The following CD44 variants were observed in gnomAD, a reference collection of about 807,000 sequenced individuals.
CD44 encodes the protein CD44 antigen.
Under a neutral mutation model 88.8 loss-of-function variants are expected in CD44, and 49 were observed. The ratio of observed to expected loss-of-function variants is 0.55; its 90% CI spans 0.44 to 0.70. CD44 has a LOEUF of 0.70. CD44 is among the 30% of genes least tolerant of loss of function. The pLI, the probability that CD44 is intolerant of heterozygous loss-of-function variation, is 0.00. For synonymous variants in CD44, 325 were observed against 312.3 expected (o/e 1.04, Z -0.43); for missense variants, 883 against 913.8 (o/e 0.97, Z 0.43).
rs1276243670 is a variant in CD44, at chr11:35,210,046, C to A, written c.1598C>A (p.Thr533Lys). Residue 533 changes from threonine to lysine, a missense_variant, in exon 13 of 18, where the codon ACA becomes AAA. By Grantham distance (78) the Thr-to-Lys change is moderately conservative (BLOSUM62 -1). Around this residue, in one of 2 missense-constraint regions of CD44, gnomAD observed 631 missense variants for 590.9 expected, o/e 1.07. Coordinates refer to ENST00000428726, the MANE Select transcript of CD44 (RefSeq NM_000610.4). ...DKDHPTTSTLTSSNRNDVTGG... is the reference protein window; with the variant it reads ...DKDHPTTSTLKSSNRNDVTGG... ...GACCATCCAACAACTTCTACTCTGA[C>A]ATCAAGCAGTAAGGATTATAAAACC... The A allele has an allele frequency of 1.7e-5, 26 of 1,544,702 alleles. No individual in the cohort carries two copies. The highest frequency in any genetic ancestry group is 2.3e-5 in the Non-Finnish European group (26 of 1,148,974).
chr11:35,220,829 C>T (rs1432609129), intron 16 of CD44, among the ~76,000 whole-genome samples: 19 of 141,634 alleles, frequency 1.3e-4, no homozygotes, highest in African/African-American at 3.5e-4. Flanking sequence ...TGCAGTGGCG[C>T]GACCTCGGCC....
chr11:35,189,891 C>T lies in CD44; in HGVS notation c.493C>T (p.Pro165Ser), dbSNP rs1222902098. The change falls in exon 5 of 18, where the codon CCT becomes TCT. Residue 165 changes from proline (P) to serine (S), a missense_variant. By Grantham distance (74) the Pro-to-Ser change is moderately conservative. Around this residue, in one of 2 missense-constraint regions of CD44, gnomAD observed 252 missense variants for 322.9 expected, o/e 0.78. Coordinates refer to ENST00000428726, the MANE Select transcript of CD44 (RefSeq NM_000610.4). ...CCAGAAAGGAGAATACAGAACGAATCCTGAAGACATCTACCCCAGCAACCC... is the reference window on the plus strand; with the variant it reads ...CCAGAAAGGAGAATACAGAACGAATTCTGAAGACATCTACCCCAGCAACCC... ...YVQKGEYRTN[P>S]EDIYPSNPTD... 1 of 1,614,126 alleles carries T rather than the reference C, an allele frequency of 6.2e-7. No individual in the cohort carries two copies.
chr11:35,209,894 C>A, intron 12 of CD44, 71 bp from the exon 13 acceptor site: 1 of 989,200 alleles, frequency 1.0e-6, no homozygotes, highest in South Asian at 1.5e-5. Flanking sequence ...GCTAGATTTT[C>A]CTTGCTAGCA....
At chr11:35,153,766 C>G (rs936474533) in intron 1 of CD44, among the ~76,000 whole-genome samples, 1 of 152,142 alleles carries the variant, frequency 6.6e-6, no homozygotes, top group Non-Finnish European at 1.5e-5. Context: ...GAGATCTCAT[C>G]TGATTTAAAG....
intron 15 of CD44, among the ~76,000 whole-genome samples, chr11:35,215,577 T>C (rs1948764733): frequency 6.6e-6 from 1 of 152,166 alleles, no homozygotes; most frequent in African/African-American, 2.4e-5. Context: ...CTGCCATTAT[T>C]GTAGGTCAAG....
Position 35,147,079 on chromosome 11 carries a change from T to C in CD44, c.67+7709T>C, listed in dbSNP as rs567750866. On this transcript the variant is annotated intron_variant, in intron 1 of 17. Coordinates refer to ENST00000428726, the MANE Select transcript of CD44 (RefSeq NM_000610.4). ...TTTGTTCATTAGGATAGGATAGGGC[T>C]GAAAGGGATGTGAATTGAGTTGTTT... 3.3e-5 allele frequency among the ~76,000 whole-genome samples: 5 copies of C among 152,308 alleles called. No homozygotes were observed. In the South Asian group the frequency reaches 8.3e-4, roughly 25 times the overall value.
At chr11:35,211,687 T>C (rs1948406592) in intron 14 of CD44, among the ~76,000 whole-genome samples, 1 of 151,940 alleles carries the variant, frequency 6.6e-6, no homozygotes, top group Non-Finnish European at 1.5e-5. Flanking sequence ...TGTGTGTGTG[T>C]GTGTGTGTGT....
chr11:35,186,853 C>T lies in CD44; in HGVS notation c.389C>T (p.Thr130Ile). Residue 130 changes from threonine (T) to isoleucine (I), a missense_variant, in exon 4 of 18, where the codon ACA becomes ATA. Physicochemically the swap from Thr to Ile is moderately conservative, Grantham distance 89. This residue lies in a region of CD44 where 252 missense variants were observed against 322.9 expected (regional missense o/e 0.78). Coordinates refer to ENST00000428726, the MANE Select transcript of CD44 (RefSeq NM_000610.4). ...ATAGCTCCACCTGAAGAAGATTGTA[C>T]ATCAGTCACAGACCTGCCCAATGCC... ...NASAPPEEDC[T>I]SVTDLPNAFD... is the part of the protein sequence containing the mutation. 6.2e-7 allele frequency: 1 copy of T among 1,605,842 alleles called. No homozygotes were observed. Among genetic ancestry groups the T allele is most frequent in the South Asian group, 1.1e-5 (1 of 90,926 alleles).
intron 1 of CD44, among the ~76,000 whole-genome samples, chr11:35,160,559 T>C (rs1942468735): frequency 6.6e-6 from 1 of 152,216 alleles, no homozygotes; most frequent in South Asian, 2.1e-4. Flanking sequence ...GAAAGATATG[T>C]AGCCTTCTTC....
intron 1 of CD44, among the ~76,000 whole-genome samples, chr11:35,157,321 G>GTCTGTCTATCTA (rs773512644): frequency 4.1e-4 from 60 of 147,286 alleles, no homozygotes; most frequent in African/African-American, 1.5e-3. Flanking sequence ...CTGTCTGTCT[G>GTCTGTCTATCTA]TCTATCTATC....
chr11:35,195,903 A>T (rs1257488713), intron 5 of CD44, among the ~76,000 whole-genome samples: 1 of 152,152 alleles, frequency 6.6e-6, no homozygotes, highest in Non-Finnish European at 1.5e-5. Flanking sequence ...CAAGGTTGTG[A>T]GAGGATTTGG....
At chr11:35,219,460 A>C (rs1055415165) in intron 16 of CD44, 73 bp downstream of exon 16, 3 of 1,095,640 alleles carry the variant, frequency 2.7e-6, no homozygotes, top group African/African-American at 3.1e-5. Flanking sequence ...AAGGACGAAG[A>C]GACTCATTTG....
chr11:35,196,791 G>A lies in CD44; in HGVS notation c.713G>A (p.Arg238Lys), dbSNP rs1056622952. Residue 238 changes from arginine to lysine, a missense_variant, in exon 6 of 18, where the codon AGG (arginine) becomes AAG (lysine). Arg to Lys is a conservative substitution (Grantham distance 26). Coordinates refer to ENST00000428726, the MANE Select transcript of CD44 (RefSeq NM_000610.4). ...SATATETATKRQETWDWFSWL... is the reference protein window; with the variant it reads ...SATATETATKKQETWDWFSWL... ...ACAGCAACTGAGACAGCAACCAAGAGGCAAGAAACCTGGGATTGGTTTTCA... is the reference window on the plus strand; with the variant it reads ...ACAGCAACTGAGACAGCAACCAAGAAGCAAGAAACCTGGGATTGGTTTTCA... The A allele has an allele frequency of 3.7e-6, 6 of 1,613,616 alleles. No individual in the cohort carries two copies. In the East Asian group the frequency reaches 6.7e-5, roughly 18 times the overall value.
In CD44 at chr11:35,176,643, C is replaced by T. The variant is rs121909545; in HGVS notation, c.136C>T (p.Arg46Trp). ...GAAAAATGGTCGCTACAGCATCTCT[C>T]GGACGGAGGCCGCTGACCTCTGCAA... ...VEKNGRYSIS[R>W]TEAADLCKAF... The change falls in exon 2 of 18, where the codon CGG becomes TGG. Residue 46 changes from arginine (R) to tryptophan (W), a missense_variant. Arg to Trp is a moderately radical substitution (Grantham distance 101, BLOSUM62 -3). Around this residue, in one of 2 missense-constraint regions of CD44, gnomAD observed 252 missense variants for 322.9 expected, o/e 0.78. Transcript: ENST00000428726. The T allele has an allele frequency of 1.2e-6, 2 of 1,614,070 alleles. No individual in the cohort carries two copies. The highest frequency in any genetic ancestry group is 1.7e-6 in the Non-Finnish European group (2 of 1,180,022).
At chr11:35,176,969 A>AG (rs373988081) in intron 2 of CD44, 14 of 480,664 alleles carry the variant, frequency 2.9e-5, no homozygotes, top group African/African-American at 2.8e-4. Flanking sequence ...GGAAGCCATT[A>AG]GGGGTCCTCT....
chr11:35,173,047 C>T (rs535599185), intron 1 of CD44, among the ~76,000 whole-genome samples: 2 of 152,344 alleles, frequency 1.3e-5, no homozygotes, highest in South Asian at 2.1e-4. Context: ...GTCTCAGCCT[C>T]AATTGGTTCC....
chr11:35,200,052 G>A (rs886847638), intron 7 of CD44, among the ~76,000 whole-genome samples: 11 of 146,016 alleles, frequency 7.5e-5, no homozygotes, highest in African/African-American at 2.8e-4. Flanking sequence ...AATTCAACAT[G>A]ATGCCCTCTT....
intron 9 of CD44, among the ~76,000 whole-genome samples, chr11:35,204,149 CAA>C (rs1288032157): frequency 6.6e-6 from 1 of 152,148 alleles, no homozygotes; most frequent in Non-Finnish European, 1.5e-5. Flanking sequence ...ATGACTGGAG[CAA>C]AGAGGTTATT....
chr11:35,156,088 T>G (rs1391859475), intron 1 of CD44, among the ~76,000 whole-genome samples: 2 of 152,222 alleles, frequency 1.3e-5, no homozygotes, highest in African/African-American at 2.4e-5. Context: ...CCAATATACC[T>G]GATTTACTTT....
Sources: gnomAD v4.1 joint callset for allele counts (sites outside exome capture counted in the v4.1 genomes callset) on GRCh38, gnomAD v4.1.1 for gene constraint, gnomAD v4.1.1 regional missense constraint, MANE v1.5 for transcripts, NCBI Gene and HGNC (gene_info 2026-07-23, HGNC 2026-07-21) for gene names.